IRF7: variants seen among roughly 807,000 people sequenced by gnomAD.
The protein encoded by IRF7 is interferon regulatory factor-7H.
A neutral mutation model predicts 51.3 loss-of-function variants in IRF7; 67 were observed. That is an observed-to-expected ratio of 1.31 (90% CI 1.07 to 1.60). The LOEUF is 1.60. Ranked by LOEUF, IRF7 falls within the 40% of genes most tolerant of loss-of-function variation. The pLI is 0.00. For missense variants in IRF7, 873 were observed against 701.5 expected (o/e 1.24, Z -2.76); for synonymous variants, 427 against 301.3 (o/e 1.42, Z -4.32).
Position 615,015 on chromosome 11 carries a change from G to A in IRF7, c.184-8C>T. 6.5e-7 allele frequency: 1 copy of A among 1,546,066 alleles called. No individual in the cohort carries two copies. The highest frequency in any genetic ancestry group is 1.8e-5 in the Admixed American group (1 of 54,558). ...GCGGGCCACAGCCCAGGCCTGAAGA[G>A]GGGGACAGAACACGTGTGCCGGGCC... On this transcript the variant is annotated splice_polypyrimidine_tract_variant and splice_region_variant and intron_variant, in intron 3 of 10. Transcript: ENST00000525445.
intron 10 of IRF7, 57 bp from the exon 11 acceptor site, chr11:612,857 TC>T (rs1856514279): frequency 6.3e-7 from 1 of 1,590,556 alleles, no homozygotes; most frequent in African/African-American, 1.3e-5. Context: ...CCCCTCCCCC[TC>T]CCCAGGCTCT....
At chr11:613,684 G>A (rs1348906096) in intron 8 of IRF7, 89 bp from the exon 9 acceptor site, 4 of 787,424 alleles carry the variant, frequency 5.1e-6, no homozygotes, top group African/African-American at 3.6e-5. Context: ...GTGAGTGACG[G>A]GGGTGGGCGG....
chr11:614,503 C>T lies in IRF7; in HGVS notation c.426G>A (p.Glu142=), dbSNP rs752142358. ...GTGGTGGTGGGACAGCTGCGGGGGC[C>T]TCTGCCTCAGTCTGGTCCGTGCCTG... ...EGPGTDQTEA[E]APAAVPPPQG... The change falls in exon 5 of 11, where the codon GAG becomes GAA. Residue 142 remains glutamate (E), a synonymous_variant. Transcript: ENST00000525445. 3.2e-6 allele frequency: 5 copies of T among 1,560,042 alleles called. No homozygotes were observed. Among genetic ancestry groups the T allele is most frequent in the Middle Eastern group, 1.7e-4 (1 of 5,992 alleles).
chr11:613,410 A>G lies in IRF7; in HGVS notation c.1033T>C (p.Tyr345His). The G allele has an allele frequency of 6.3e-7, 1 of 1,576,962 alleles. No individual in the cohort carries two copies. The highest frequency in any genetic ancestry group is 8.6e-7 in the Non-Finnish European group (1 of 1,162,372). ...ACGTGCCGCAGCAGTTCCTCCGTGT[A>G]GCGCAGCTGCTTCTGGTCCGGGAGC... ...AELPDQKQLR[Y>H]TEELLRHVAP... The change falls in exon 9 of 11, where the codon TAC becomes CAC. Residue 345 changes from tyrosine to histidine, a missense_variant. Transcript: ENST00000525445.
rs748018872 is a variant in IRF7, at chr11:613,608, C to G, written c.848-13G>C. On this transcript the variant is annotated splice_polypyrimidine_tract_variant and intron_variant, in intron 8 of 10. Coordinates refer to ENST00000525445, the MANE Select transcript of IRF7 (RefSeq NM_001572.5). ...CCTGGGCTGGGCTCTGTGTGGAGAC[C>G]AAGCTGTGAGTGACGGGGGTGGGCG... is the stretch of plus-strand genomic sequence containing the variant. The G allele has an allele frequency of 3.4e-6, 5 of 1,469,814 alleles. No homozygotes were observed. Among genetic ancestry groups the G allele is most frequent in the Middle Eastern group, 2.3e-4 (1 of 4,372 alleles). 91.0% of individuals were successfully genotyped at this position (1,469,814 alleles called of 1,614,324 possible).
In IRF7 at chr11:613,518, T is replaced by C; in HGVS notation, c.925A>G (p.Ser309Gly). 6.4e-7 allele frequency: 1 copy of C among 1,562,034 alleles called. No individual in the cohort carries two copies. Among genetic ancestry groups the C allele is most frequent in the Non-Finnish European group, 8.6e-7 (1 of 1,156,620 alleles). ...TVLQKVVGHP[S>G]CTFLYGPPDP... ...GGGGGGCCGTATAGGAACGTGCAGCTCGGGTGTCCCACCACCTTCTGCAGC... is the reference window on the plus strand; with the variant it reads ...GGGGGGCCGTATAGGAACGTGCAGCCCGGGTGTCCCACCACCTTCTGCAGC... The change falls in exon 9 of 11, where the codon AGC (serine) becomes GGC (glycine). Residue 309 changes from serine (S) to glycine (G), a missense_variant. Coordinates refer to ENST00000525445, the MANE Select transcript of IRF7 (RefSeq NM_001572.5).
At position 613,135 on chromosome 11, in the gene IRF7, G is replaced by A. The variant is rs1349423170; in HGVS notation, c.1238-18C>T. On this transcript the variant is annotated intron_variant, in intron 9 of 10. Coordinates refer to ENST00000525445, the MANE Select transcript of IRF7 (RefSeq NM_001572.5). ...CACCAGCTCTGAAGAAGGGGACTCTGCTGAGTACCTGGCAGGCAGGTGCTC... is the reference window on the plus strand; with the variant it reads ...CACCAGCTCTGAAGAAGGGGACTCTACTGAGTACCTGGCAGGCAGGTGCTC... 7 of 1,610,736 alleles carry A rather than the reference G, an allele frequency of 4.3e-6. No individual in the cohort carries two copies. Among genetic ancestry groups the A allele is most frequent in the Non-Finnish European group, 5.9e-6 (7 of 1,178,554 alleles).
In IRF7 at chr11:615,643, G is replaced by A. The variant is rs1490152963; in HGVS notation, c.-279C>T. On this transcript the variant is annotated 5_prime_UTR_variant, in exon 2 of 11. Transcript: ENST00000525445. ...CAGGCCTGGCGGGAAGGCGCAGGCC[G>A]GACCCTGCGGAGACGGGAAAGGCGA... 4.9e-6 allele frequency: 2 copies of A among 407,502 alleles called. No individual in the cohort carries two copies. The highest frequency in any genetic ancestry group is 2.1e-5 in the African/African-American group (1 of 48,624). 25.2% of individuals were successfully genotyped at this position (407,502 alleles called of 1,614,324 possible).
At chr11:613,647 A>G in intron 8 of IRF7, 52 bp from the exon 9 acceptor site, 1 of 491,980 alleles carries the variant, frequency 2.0e-6, no homozygotes, top group Non-Finnish European at 2.7e-6. Context: ...ACAGGCTGTG[A>G]GTGACGGGGG....
In IRF7 at chr11:613,492, T is replaced by C; in HGVS notation, c.951A>G (p.Pro317=). The C allele has an allele frequency of 6.5e-7, 1 of 1,542,820 alleles. No homozygotes were observed. Residue 317 remains proline (P), a synonymous_variant, in exon 9 of 11, where the codon CCA becomes CCG. Coordinates refer to ENST00000525445, the MANE Select transcript of IRF7 (RefSeq NM_001572.5). ...GGTCTGTGGCCCGGACAGCTGGGTCTGGGGGGCCGTATAGGAACGTGCAGC... is the reference window on the plus strand; with the variant it reads ...GGTCTGTGGCCCGGACAGCTGGGTCCGGGGGGCCGTATAGGAACGTGCAGC... ...HPSCTFLYGP[P]DPAVRATDPQ...
At position 613,369 on chromosome 11, in the gene IRF7, G is replaced by A; in HGVS notation, c.1074C>T (p.His358=). 1 of 1,609,356 alleles carries A rather than the reference G, an allele frequency of 6.2e-7. No individual in the cohort carries two copies. Among genetic ancestry groups the A allele is most frequent in the African/African-American group, 1.3e-5 (1 of 74,846 alleles). ...ELLRHVAPGL[H]LELRGPQLWA... is the part of the protein sequence containing the mutation. ...ACAGCTGTGGCCCCCGAAGCTCCAG[G>A]TGCAACCCAGGGGCCACGTGCCGCA... The change falls in exon 9 of 11, where the codon CAC becomes CAT. Residue 358 remains histidine (H), a synonymous_variant. Coordinates refer to ENST00000525445, the MANE Select transcript of IRF7 (RefSeq NM_001572.5).
chr11:613,376 C>T lies in IRF7; in HGVS notation c.1067G>A (p.Gly356Glu), dbSNP rs755426090. 2.5e-6 allele frequency: 4 copies of T among 1,604,898 alleles called. No homozygotes were observed. The South Asian group carries it at 3.3e-5, about 13-fold the overall frequency. Residue 356 changes from glycine (G) to glutamate (E), a missense_variant, in exon 9 of 11, where the codon GGG becomes GAG. Physicochemically the swap from Gly to Glu is moderately conservative, Grantham distance 98 (BLOSUM62 -2). Transcript: ENST00000525445. ...TGGCCCCCGAAGCTCCAGGTGCAAC[C>T]CAGGGGCCACGTGCCGCAGCAGTTC... ...TEELLRHVAPGLHLELRGPQL... is the reference protein window; with the variant it reads ...TEELLRHVAPELHLELRGPQL...
Position 612,987 on chromosome 11 carries a change from C to T in IRF7, c.1356+12G>A, listed in dbSNP as rs1856527650. 1 of 1,611,638 alleles carries T rather than the reference C, an allele frequency of 6.2e-7. No individual in the cohort carries two copies. On this transcript the variant is annotated intron_variant, in intron 10 of 10. Transcript: ENST00000525445. ...AGCACATGGCCTCCCCTCCTTGAGG[C>T]TCTGGTCTCACCTTCACCAGGACCA...
Position 614,197 on chromosome 11 carries a change from G to A in IRF7, c.656C>T (p.Pro219Leu). Reference sequence around the variant, plus strand: ...ACCTCCAGCACAGGCCCCAGTCAGGGGAAGCCCTTCTTGTCCCTCTCCAGG... The same window carrying A: ...ACCTCCAGCACAGGCCCCAGTCAGGAGAAGCCCTTCTTGTCCCTCTCCAGG... ...KAPGEGQEGLPLTGACAGGPG... is the reference protein window; with the variant it reads ...KAPGEGQEGLLLTGACAGGPG... Residue 219 changes from proline (P) to leucine (L), a missense_variant, in exon 6 of 11, where the codon CCC becomes CTC. By Grantham distance (98) the Pro-to-Leu change is moderately conservative. Transcript: ENST00000525445. 1.9e-6 allele frequency: 3 copies of A among 1,612,868 alleles called. No homozygotes were observed. Among genetic ancestry groups the A allele is most frequent in the Non-Finnish European group, 2.5e-6 (3 of 1,179,906 alleles).
Position 614,803 on chromosome 11 carries a change from A to T in IRF7, c.388T>A (p.Trp130Arg). 6.5e-7 allele frequency: 1 copy of T among 1,545,650 alleles called. No individual in the cohort carries two copies. Among genetic ancestry groups the T allele is most frequent in the East Asian group, 2.4e-5 (1 of 40,898 alleles). Residue 130 changes from tryptophan (W) to arginine (R), a missense_variant, in exon 4 of 11, where the codon TGG becomes AGG. Transcript: ENST00000525445. Reference protein sequence around the residue: ...KVYALSRELCWREGPGTDQTE... With the variant: ...KVYALSRELCRREGPGTDQTE... Reference sequence around the variant, plus strand: ...GGCAGCCGGCGTCGCTCACCTCGCCAGCACAGCTCCCGGCTGAGCGCGTAC... The same window carrying T: ...GGCAGCCGGCGTCGCTCACCTCGCCTGCACAGCTCCCGGCTGAGCGCGTAC...
At position 615,208 on chromosome 11, in the gene IRF7, G is replaced by A. The variant is rs779952863; in HGVS notation, c.72C>T (p.Ser24=). The change falls in exon 3 of 11, where the codon AGC becomes AGT. Residue 24 remains serine, a synonymous_variant. Transcript: ENST00000525445. ...FGEWLLGEIS[S]GCYEGLQWLD... ...GCCACTGCAGCCCCTCATAGCAGCC[G>A]CTGCTGATCTCTCCAAGGAGCCACT... 1.9e-6 allele frequency: 3 copies of A among 1,599,346 alleles called. No homozygotes were observed. Among genetic ancestry groups the A allele is most frequent in the Non-Finnish European group, 2.5e-6 (3 of 1,176,690 alleles).
intron 3 of IRF7, 28 bp from the exon 4 acceptor site, chr11:615,035 CG>C (rs1856750477): frequency 6.5e-7 from 1 of 1,543,456 alleles, no homozygotes. Context: ...ACACGTGTGC[CG>C]GGCCCGCGGG....
rs1319520211 is a variant in IRF7 at position 614,255 on chromosome 11, AC to A, written c.597del (p.Ser200HisfsTer21). On this transcript the variant is annotated frameshift_variant, in exon 6 of 11. Coordinates refer to ENST00000525445, the MANE Select transcript of IRF7 (RefSeq NM_001572.5). LOFTEE classifies it high-confidence loss of function. ...QSCLADHLLT[A>X]SWGADPVPTK... ...GTTGGGACTGGATCTGCCCCCCATGACGCTGTCAGCAGATGGTCTGCCAGGC... is the reference window on the plus strand; with the variant it reads ...GTTGGGACTGGATCTGCCCCCCATGAGCTGTCAGCAGATGGTCTGCCAGGC... The A allele has an allele frequency of 6.2e-7, 1 of 1,612,652 alleles. No homozygotes were observed. The highest frequency in any genetic ancestry group is 8.5e-7 in the Non-Finnish European group (1 of 1,179,764).
At chr11:613,625 G>C in intron 8 of IRF7, 30 bp from the exon 9 acceptor site, 1 of 1,370,094 alleles carries the variant, frequency 7.3e-7, no homozygotes, top group Non-Finnish European at 9.5e-7. Context: ...TGAGTGACGG[G>C]GGTGGGCGGG....
Sources: gnomAD v4.1 joint callset for allele counts on GRCh38, gnomAD v4.1.1 for gene constraint, MANE v1.5 for transcripts, NCBI Gene and HGNC (gene_info 2026-07-23, HGNC 2026-07-21) for gene names.